STARD7: variants seen among roughly 807,000 people sequenced by gnomAD.
The protein encoded by STARD7 is StAR related lipid transfer domain containing 7, also known as stAR-related lipid transfer protein 7, mitochondrial.
A neutral mutation model predicts 45.3 loss-of-function variants in STARD7; 30 were observed. The ratio of observed to expected loss-of-function variants is 0.66; its 90% CI spans 0.50 to 0.90. The LOEUF (loss-of-function observed/expected upper bound fraction) is 0.90, where lower values mean the gene tolerates loss of function less well. STARD7 is among the 40% of genes least tolerant of loss of function. The probability of loss-of-function intolerance (pLI) is 0.00; values close to 1 mark genes in which losing one functional copy is unlikely to be tolerated. For synonymous variants in STARD7, 199 were observed against 183.0 expected, an observed-to-expected ratio of 1.09 and a Z score of -0.70; for missense variants, 495 against 491.3, an observed-to-expected ratio of 1.01 and a Z score of -0.07.
intron 1 of STARD7, among the ~76,000 whole-genome samples, chr2:96,197,095 A>AAACTAAACTAAACAAC (rs1558735851): frequency 3.6e-5 from 5 of 139,284 alleles, no homozygotes; most frequent in East Asian, 5.0e-4. Flanking sequence ...ATAAAATAAA[A>AAACTAAACTAAACAAC]TAAAATAAAA....
At chr2:96,207,730 A>C (rs1683421563) in intron 1 of STARD7, among the ~76,000 whole-genome samples, 2 of 152,176 alleles carry the variant, frequency 1.3e-5, no homozygotes, top group African/African-American at 4.8e-5. Context: ...TCCCATCTGG[A>C]TTGAAGTCAT....
chr2:96,201,582 TAA>T (rs575624013), intron 1 of STARD7, among the ~76,000 whole-genome samples: 4 of 136,748 alleles, frequency 2.9e-5, no homozygotes, highest in Admixed American at 1.5e-4. Flanking sequence ...GTAAGACTCT[TAA>T]AAAAAAAAAA....
At chr2:96,196,547 C>T (rs939488387) in intron 1 of STARD7, among the ~76,000 whole-genome samples, 2 of 152,120 alleles carry the variant, frequency 1.3e-5, no homozygotes, top group East Asian at 3.9e-4. Flanking sequence ...CTGCAACTTC[C>T]GCCTCCTGGG....
intron 7 of STARD7, 89 bp from the exon 8 acceptor site, chr2:96,187,003 A>G: frequency 8.0e-7 from 1 of 1,252,040 alleles, no homozygotes; most frequent in Non-Finnish European, 1.1e-6. Context: ...ATGGTAGGGA[A>G]CTAGTTCTTC....
chr2:96,201,531 C>T (rs1465811835), intron 1 of STARD7, among the ~76,000 whole-genome samples: 2 of 151,276 alleles, frequency 1.3e-5, no homozygotes, highest in Admixed American at 6.6e-5. Flanking sequence ...GGGACTGTAG[C>T]GAGCCAAAAT....
chr2:96,200,417 A>G (rs1469671363), intron 1 of STARD7, among the ~76,000 whole-genome samples: 2 of 152,174 alleles, frequency 1.3e-5, no homozygotes, highest in East Asian at 1.9e-4. Flanking sequence ...ATATTGTACT[A>G]TGTATCACTA....
At chr2:96,207,797 C>CA (rs1196290734) in intron 1 of STARD7, among the ~76,000 whole-genome samples, 5 of 152,148 alleles carry the variant, frequency 3.3e-5, no homozygotes, top group African/African-American at 1.2e-4. Flanking sequence ...TTTGAATTTG[C>CA]ACCTTTCTGG....
At chr2:96,197,505 T>G (rs1683240506) in intron 1 of STARD7, among the ~76,000 whole-genome samples, 1 of 152,260 alleles carries the variant, frequency 6.6e-6, no homozygotes, top group Admixed American at 6.5e-5. Flanking sequence ...AAAATGTCAA[T>G]TGATATCTTT....
intron 1 of STARD7, among the ~76,000 whole-genome samples, chr2:96,199,775 A>G (rs1683277639): frequency 6.6e-6 from 1 of 152,202 alleles, no homozygotes; most frequent in Non-Finnish European, 1.5e-5. Flanking sequence ...GCCATTAACT[A>G]CACTGTTAGC....
In STARD7 at chr2:96,185,343, C is replaced by T. The variant is rs1683018097; in HGVS notation, c.*1387G>A. The stretch of plus-strand genomic sequence containing the variant: ...GTTTAAGTTAGTCTCAGGTTTAAAC[C>T]ACTTTTCAACACCACAAAACAGTAG... On this transcript the variant is annotated 3_prime_UTR_variant, in exon 8 of 8. Coordinates refer to ENST00000337288, the MANE Select transcript of STARD7 (RefSeq NM_020151.4). The T allele has an allele frequency of 6.6e-6, 1 of 152,250 alleles. No homozygotes were observed. Among genetic ancestry groups the T allele is most frequent in the African/African-American group, 2.4e-5 (1 of 41,308 alleles). 9.4% of individuals were successfully genotyped at this position (152,250 alleles called of 1,614,324 possible). A position where few individuals can be genotyped will look rare whatever the true frequency, so the allele number is the denominator to read the frequency against.
At chr2:96,188,320 G>C (rs1044555592) in intron 6 of STARD7, among the ~76,000 whole-genome samples, 1 of 118,608 alleles carries the variant, frequency 8.4e-6, no homozygotes, top group African/African-American at 3.3e-5. Flanking sequence ...TTGTTGCCCA[G>C]GATGGAGGGC....
At chr2:96,198,799 A>C (rs141821268) in intron 1 of STARD7, among the ~76,000 whole-genome samples, 1 of 152,298 alleles carries the variant, frequency 6.6e-6, no homozygotes, top group African/African-American at 2.4e-5. Context: ...TTTTCTTCTA[A>C]GAGTTTTAGA....
At chr2:96,207,037 G>A (rs1235139467) in intron 1 of STARD7, among the ~76,000 whole-genome samples, 1 of 152,116 alleles carries the variant, frequency 6.6e-6, no homozygotes, top group Non-Finnish European at 1.5e-5. Flanking sequence ...GGTTGTTTGT[G>A]GTTATTATTT....
At chr2:96,195,233 G>T in intron 2 of STARD7, 108 bp downstream of exon 2, 2 of 1,063,180 alleles carry the variant, frequency 1.9e-6, no homozygotes, top group South Asian at 1.6e-5. Context: ...AAAAAACTAC[G>T]GCAAATTTTC....
At chr2:96,196,113 C>CAAAAAAAA (rs113641896) in intron 1 of STARD7, among the ~76,000 whole-genome samples, 9 of 83,344 alleles carry the variant, frequency 1.1e-4, no homozygotes, top group African/African-American at 3.8e-4. Context: ...ACTCTTGTCT[C>CAAAAAAAA]AAAAAAAAAA....
At chr2:96,186,992 G>T in intron 7 of STARD7, 78 bp from the exon 8 acceptor site, 1 of 1,338,110 alleles carries the variant, frequency 7.5e-7, no homozygotes, top group Non-Finnish European at 1.0e-6. Flanking sequence ...CTATTTCTTT[G>T]ATGGTAGGGA....
intron 6 of STARD7, 54 bp downstream of exon 6, chr2:96,192,315 T>G: frequency 7.3e-7 from 1 of 1,370,580 alleles, no homozygotes; most frequent in South Asian, 1.2e-5. Flanking sequence ...AAGACATCCC[T>G]TGAGAAAATT....
At chr2:96,192,648 G>A (rs1316920003) in intron 5 of STARD7, among the ~76,000 whole-genome samples, 180 bp from the exon 6 acceptor site, 10 of 152,276 alleles carry the variant, frequency 6.6e-5, no homozygotes, top group Admixed American at 3.9e-4. Flanking sequence ...AAGGCCAGAC[G>A]TGGTGGCTCA....
intron 1 of STARD7, among the ~76,000 whole-genome samples, chr2:96,206,780 GAC>G: frequency 8.3e-6 from 1 of 120,318 alleles, no homozygotes; most frequent in South Asian, 2.7e-4. Context: ...CAGCCTGGGC[GAC>G]AGAGCGAGAC....
Sources: allele counts gnomAD v4.1 joint callset (sites outside exome capture counted in the v4.1 genomes callset), GRCh38; gene constraint gnomAD v4.1.1; transcripts MANE v1.5; gene names NCBI Gene and HGNC (gene_info 2026-07-23, HGNC 2026-07-21).